The following SLC4A4 variants were observed in gnomAD, a reference collection of about 807,000 sequenced individuals.
SLC4A4 encodes the protein solute carrier family 4 member 4.
In SLC4A4, 27 loss-of-function variants were observed where a neutral mutation model predicts 111.5. The observed-to-expected ratio is 0.24, with a 90% CI of 0.18 to 0.33. The LOEUF is 0.33. Ranked by LOEUF, SLC4A4 falls within the 10% of genes least tolerant of loss-of-function variation. The pLI, the probability that SLC4A4 is intolerant of heterozygous loss-of-function variation, is 1.00. For missense variants in SLC4A4, 909 were observed against 1,315.5 expected (o/e 0.69, Z 4.78); for synonymous variants, 443 against 463.4 (o/e 0.96, Z 0.57).
chr4:71,239,824 C>T (rs1482522611), intron 2 of SLC4A4, among the ~76,000 whole-genome samples: 2 of 152,028 alleles, frequency 1.3e-5, no homozygotes, highest in Non-Finnish European at 2.9e-5. Context: ...TTGTACTATG[C>T]GTGGTTTTAA....
At chr4:71,147,406 T>C (rs1209623987) in intron 2 of SLC4A4, among the ~76,000 whole-genome samples, 1 of 152,116 alleles carries the variant, frequency 6.6e-6, no homozygotes, top group Non-Finnish European at 1.5e-5. Flanking sequence ...TGGTTCATGA[T>C]GGTCAGTGAG....
intron 1 of SLC4A4, among the ~76,000 whole-genome samples, chr4:71,074,051 C>T (rs1250766643): frequency 6.6e-6 from 1 of 151,986 alleles, no homozygotes. Flanking sequence ...AAAAAAAAAT[C>T]CAGGAAAGGT....
intron 2 of SLC4A4, among the ~76,000 whole-genome samples, chr4:71,094,068 A>T (rs1467713634): frequency 7.2e-5 from 11 of 152,226 alleles, no homozygotes. Flanking sequence ...TGGGAAAAAA[A>T]TCTAAAATAT....
At chr4:71,254,570 G>A (rs996665015) in intron 2 of SLC4A4, among the ~76,000 whole-genome samples, 5 of 151,448 alleles carry the variant, frequency 3.3e-5, no homozygotes, top group African/African-American at 7.3e-5. Flanking sequence ...GAACGTTTGA[G>A]TATTTCTAAA....
chr4:71,119,140 A>G (rs1743349520), intron 2 of SLC4A4, among the ~76,000 whole-genome samples: 1 of 152,216 alleles, frequency 6.6e-6, no homozygotes, highest in Non-Finnish European at 1.5e-5. Context: ...GATAGTGGAA[A>G]GGCTACTATC....
intron 12 of SLC4A4, among the ~76,000 whole-genome samples, chr4:71,461,765 G>C (rs1726850567): frequency 6.6e-6 from 1 of 152,076 alleles, no homozygotes; most frequent in Non-Finnish European, 1.5e-5. Flanking sequence ...GCCAAACACG[G>C]GCCATCCTTG....
chr4:71,291,236 G>T (rs1210906032), intron 3 of SLC4A4, among the ~76,000 whole-genome samples: 2 of 152,160 alleles, frequency 1.3e-5, no homozygotes. Context: ...GCTAAATGAT[G>T]AGTTAATGGG....
chr4:71,552,350 T>TACAC (rs376469983), intron 20 of SLC4A4, among the ~76,000 whole-genome samples: 1 of 150,786 alleles, frequency 6.6e-6, no homozygotes, highest in Admixed American at 6.6e-5. Context: ...CATTCACATG[T>TACAC]ACACACACAC....
intron 7 of SLC4A4, among the ~76,000 whole-genome samples, chr4:71,416,001 G>A (rs1368101601): frequency 6.6e-6 from 1 of 152,190 alleles, no homozygotes; most frequent in Non-Finnish European, 1.5e-5. Context: ...AAGAAATGAA[G>A]TCATTTGTCC....
intron 3 of SLC4A4, among the ~76,000 whole-genome samples, chr4:71,283,907 G>T (rs1330501190): frequency 6.6e-6 from 1 of 152,090 alleles, no homozygotes; most frequent in African/African-American, 2.4e-5. Context: ...TCCTCCTTTT[G>T]CTTCCTTATG....
chr4:71,174,654 T>A (rs1745035191), intron 2 of SLC4A4, among the ~76,000 whole-genome samples: 1 of 152,328 alleles, frequency 6.6e-6, no homozygotes, highest in South Asian at 2.1e-4. Context: ...AAAGAGATAT[T>A]TTTTACTGCC....
chr4:71,376,154 TATACACACAC>T (rs1252994441), intron 6 of SLC4A4, among the ~76,000 whole-genome samples: 7 of 55,032 alleles, frequency 1.3e-4, no homozygotes, highest in Admixed American at 3.3e-4. Flanking sequence ...TACCTGTATA[TATACACACAC>T]ACACACACAC....
intron 2 of SLC4A4, among the ~76,000 whole-genome samples, chr4:71,135,709 C>T (rs1019971750): frequency 1.3e-5 from 2 of 152,064 alleles, no homozygotes; most frequent in African/African-American, 2.4e-5. Flanking sequence ...AATTTTGTAC[C>T]CTTTGACTGA....
chr4:71,536,851 A>G (rs1377610645), intron 18 of SLC4A4, among the ~76,000 whole-genome samples: 3 of 151,414 alleles, frequency 2.0e-5, no homozygotes, highest in Non-Finnish European at 2.9e-5. Flanking sequence ...TTTGATCTAG[A>G]AGCTTGAGGA....
intron 7 of SLC4A4, among the ~76,000 whole-genome samples, chr4:71,405,707 A>G (rs1289762126): frequency 1.1e-4 from 17 of 152,176 alleles, no homozygotes; most frequent in Admixed American, 1.1e-3. Context: ...CACTGCTAAG[A>G]TACTATTTGC....
intron 1 of SLC4A4, among the ~76,000 whole-genome samples, chr4:71,227,555 A>T (rs898604287): frequency 1.3e-5 from 2 of 152,170 alleles, no homozygotes; most frequent in Non-Finnish European, 2.9e-5. Context: ...GTGGGCTTTC[A>T]GCTGTAGATA....
At chr4:71,157,420 AT>A (rs1744507749) in intron 2 of SLC4A4, among the ~76,000 whole-genome samples, 1 of 152,166 alleles carries the variant, frequency 6.6e-6, no homozygotes, top group Non-Finnish European at 1.5e-5. Flanking sequence ...TTTTCACCTG[AT>A]ATGAATAAAA....
intron 14 of SLC4A4, among the ~76,000 whole-genome samples, chr4:71,484,270 T>C (rs61334984): frequency 0.13 from 19,775 of 151,862 alleles, 1,522 homozygotes; most frequent in African/African-American, 0.22. Flanking sequence ...CTGAATGGTA[T>C]TGCCTACGTT....
At position 71,364,883 on chromosome 4, in the gene SLC4A4, C is replaced by G. The variant is rs1395371322; in HGVS notation, c.730+7696C>G. On this transcript the variant is annotated intron_variant, in intron 6 of 25. Coordinates refer to ENST00000264485, the MANE Select transcript of SLC4A4 (RefSeq NM_001098484.3). ...GCATTTTATTATTTTCTGTTTCTCT[C>G]CATTTTTTGCCTACTACTTCATTTA... Among the ~76,000 whole-genome samples the G allele has an allele frequency of 2.6e-5, 4 of 152,278 alleles. No individual in the cohort carries two copies. The East Asian group carries it at 5.8e-4, about 22-fold the overall frequency.
Sources: allele counts gnomAD v4.1 joint callset (sites outside exome capture counted in the v4.1 genomes callset), GRCh38; gene constraint gnomAD v4.1.1; transcripts MANE v1.5; gene names NCBI Gene and HGNC (gene_info 2026-07-23, HGNC 2026-07-21).